The following KYNU variants were observed in gnomAD, a reference collection of about 807,000 sequenced individuals.
KYNU encodes kynureninase.
A neutral mutation model predicts 59.2 loss-of-function variants in KYNU; 54 were observed. The ratio of observed to expected loss-of-function variants is 0.91; its 90% CI spans 0.73 to 1.14. KYNU has a LOEUF of 1.14. Ranked by LOEUF, KYNU falls within the 50% of genes most tolerant of loss-of-function variation. The pLI is 0.00. For missense variants in KYNU, 567 were observed against 554.4 expected, an observed-to-expected ratio of 1.02 and a Z score of -0.23; for synonymous variants, 177 against 192.0, an observed-to-expected ratio of 0.92 and a Z score of 0.65.
At chr2:143,016,696 T>C (rs1686255134) in intron 10 of KYNU, among the ~76,000 whole-genome samples, 1 of 152,224 alleles carries the variant, frequency 6.6e-6, no homozygotes, top group Non-Finnish European at 1.5e-5. Context: ...TAATTATGAC[T>C]TTATGGTTTA....
intron 1 of KYNU, among the ~76,000 whole-genome samples, chr2:142,883,263 G>A (rs1347935461): frequency 7.4e-6 from 1 of 134,740 alleles, no homozygotes; most frequent in Non-Finnish European, 1.5e-5. Flanking sequence ...GTGCAACCTC[G>A]GCTCACTGCA....
In KYNU at chr2:142,898,915, G is replaced by A. The variant is rs576606697; in HGVS notation, c.169+13379G>A. On this transcript the variant is annotated intron_variant, in intron 2 of 13. Coordinates refer to ENST00000264170, the MANE Select transcript of KYNU (RefSeq NM_003937.3). ...TTAGGATGAACCCAGGCACTTAGCT[G>A]TGCAGGAACAATGGTGAGCCTTTAG... Among the ~76,000 whole-genome samples the A allele has an allele frequency of 5.9e-5, 9 of 152,268 alleles. No individual in the cohort carries two copies. In the East Asian group the frequency reaches 1.5e-3, roughly 26 times the overall value.
chr2:143,041,394 G>A lies in KYNU; in HGVS notation c.1273-653G>A, dbSNP rs148888277. 2.5e-4 allele frequency among the ~76,000 whole-genome samples: 38 copies of A among 152,092 alleles called. No individual in the cohort carries two copies. In the East Asian group the frequency reaches 5.6e-3, roughly 22 times the overall value. On this transcript the variant is annotated intron_variant, in intron 13 of 13. Coordinates refer to ENST00000264170, the MANE Select transcript of KYNU (RefSeq NM_003937.3). ...GCTGTCGTCAAACTCTGTCCTCTTT[G>A]GAAAGTTCATTAGGATCTATTGGCT...
intron 2 of KYNU, among the ~76,000 whole-genome samples, chr2:142,917,507 G>A (rs2104988680): frequency 6.6e-6 from 1 of 151,914 alleles, no homozygotes; most frequent in African/African-American, 2.4e-5. Context: ...TCACTATGTT[G>A]CCCATGCTTG....
At chr2:142,907,810 G>A (rs376393414) in intron 2 of KYNU, among the ~76,000 whole-genome samples, 15 of 152,276 alleles carry the variant, frequency 9.9e-5, no homozygotes, top group East Asian at 7.7e-4. Context: ...AGTTACCAGC[G>A]TTGTGTTTAA....
At chr2:142,918,842 C>T in intron 3 of KYNU, 113 bp downstream of exon 3, 1 of 1,228,970 alleles carries the variant, frequency 8.1e-7, no homozygotes, top group Admixed American at 2.0e-5. Context: ...TACAGTCATC[C>T]CTTGGCATCT....
chr2:142,971,015 G>A (rs1684703255), intron 8 of KYNU, among the ~76,000 whole-genome samples: 1 of 152,080 alleles, frequency 6.6e-6, no homozygotes, highest in Non-Finnish European at 1.5e-5. Flanking sequence ...GGTTTGCTTT[G>A]TGTAGGCCCT....
At chr2:143,013,461 G>A (rs1442289956) in intron 10 of KYNU, among the ~76,000 whole-genome samples, 3 of 152,088 alleles carry the variant, frequency 2.0e-5, no homozygotes, top group Admixed American at 6.5e-5. Context: ...TTGGGTATAT[G>A]TCCAGAGAAG....
rs70997528 is a variant in KYNU, at chr2:142,883,186, C to CTTTTT, written c.-19-2140_-19-2136dup. Among the ~76,000 whole-genome samples, 6 of 72,034 alleles carry CTTTTT rather than the reference C, an allele frequency of 8.3e-5. 1 individual carries two copies. Among genetic ancestry groups the CTTTTT allele is most frequent in the Non-Finnish European group, 1.2e-4 (5 of 41,024 alleles). 47.3% of individuals were successfully genotyped at this position (72,034 alleles called of 152,430 possible). ...AGTTTTCTTTCTGGCTCCCAAATTTCTTTTTTTTTTTTTTTTTTTTTTTTT... is the reference window on the plus strand; with the variant it reads ...AGTTTTCTTTCTGGCTCCCAAATTTCTTTTTTTTTTTTTTTTTTTTTTTTTTTTTT... On this transcript the variant is annotated intron_variant, in intron 1 of 13. Transcript: ENST00000264170.
At chr2:142,903,664 T>C (rs6711960) in intron 2 of KYNU, among the ~76,000 whole-genome samples, 21,521 of 152,016 alleles carry the variant, frequency 0.14, 2,503 homozygotes, top group African/African-American at 0.32. Flanking sequence ...GTGAGGGTGA[T>C]GGCATGGGCT....
chr2:142,922,710 A>T (rs1484205215), intron 3 of KYNU, among the ~76,000 whole-genome samples: 1 of 152,088 alleles, frequency 6.6e-6, no homozygotes, highest in Non-Finnish European at 1.5e-5. Context: ...TGAATAAATG[A>T]TTTTTTGTCA....
At chr2:143,014,594 T>C (rs1238729331) in intron 10 of KYNU, among the ~76,000 whole-genome samples, 2 of 152,244 alleles carry the variant, frequency 1.3e-5, no homozygotes, top group East Asian at 3.9e-4. Flanking sequence ...AGCTAAAAAT[T>C]AGAATTTTTG....
At chr2:142,988,524 A>G (rs1303326211) in intron 10 of KYNU, among the ~76,000 whole-genome samples, 1 of 151,920 alleles carries the variant, frequency 6.6e-6, no homozygotes, top group Non-Finnish European at 1.5e-5. Flanking sequence ...GCCACTATTT[A>G]GTGGGTTGAA....
At chr2:143,025,240 C>T (rs1312734007) in intron 10 of KYNU, among the ~76,000 whole-genome samples, 1 of 152,088 alleles carries the variant, frequency 6.6e-6, no homozygotes, top group Non-Finnish European at 1.5e-5. Flanking sequence ...TTCAGGCAAT[C>T]TTTTCCTCGT....
At chr2:142,901,492 T>C (rs1288490167) in intron 2 of KYNU, among the ~76,000 whole-genome samples, 2 of 152,162 alleles carry the variant, frequency 1.3e-5, no homozygotes, top group Non-Finnish European at 2.9e-5. Flanking sequence ...TATTTTTCTT[T>C]CCTTTTCTTT....
chr2:142,907,048 T>C (rs1682321587), intron 2 of KYNU, among the ~76,000 whole-genome samples: 1 of 152,140 alleles, frequency 6.6e-6, no homozygotes, highest in South Asian at 2.1e-4. Flanking sequence ...AATTCTAAGG[T>C]AGAGGACAGA....
intron 10 of KYNU, among the ~76,000 whole-genome samples, chr2:142,988,371 A>G (rs1296563241): frequency 6.6e-6 from 1 of 151,938 alleles, no homozygotes; most frequent in African/African-American, 2.4e-5. Context: ...TTTGTAGGAC[A>G]TTAGTTTGTA....
rs6728255 is a variant in KYNU, at chr2:142,907,683, T to C, written c.170-10926T>C. ...GCCTGGGTTTATATCCTGATCATTG[T>C]CCCCCCGTTGTGCTCTCAGGTGATA... On this transcript the variant is annotated intron_variant, in intron 2 of 13. Transcript: ENST00000264170. Among the ~76,000 whole-genome samples, 1,216 of 149,200 alleles carry C rather than the reference T, an allele frequency of 8.2e-3. 9 individuals are homozygous for C. The highest frequency in any genetic ancestry group is 0.02 in the Middle Eastern group (6 of 294).
Position 142,934,233 on chromosome 2 carries a change from G to T in KYNU, c.373+6492G>T, listed in dbSNP as rs191946591. Among the ~76,000 whole-genome samples, 719 of 152,306 alleles carry T rather than the reference G, an allele frequency of 4.7e-3. 10 individuals are homozygous for T. Among genetic ancestry groups the T allele is most frequent in the African/African-American group, 0.017 (687 of 41,560 alleles). On this transcript the variant is annotated intron_variant, in intron 4 of 13. Coordinates refer to ENST00000264170, the MANE Select transcript of KYNU (RefSeq NM_003937.3). ...ATACTGCTTCTGTGATAGGAACTGG[G>T]TGGGCTTTTTAAGGGCAATGTGGAT...
Sources: allele counts gnomAD v4.1 joint callset (sites outside exome capture counted in the v4.1 genomes callset), GRCh38; gene constraint gnomAD v4.1.1; transcripts MANE v1.5; gene names NCBI Gene and HGNC (gene_info 2026-07-23, HGNC 2026-07-21).